The following ITGA11 variants were observed in gnomAD, a reference collection of about 807,000 sequenced individuals.
ITGA11 encodes the protein integrin subunit alpha 11, also known as integrin alpha-11.
ITGA11 carries 97 observed loss-of-function variants against 141.9 expected under a neutral mutation model. The observed-to-expected ratio is 0.68, with a 90% confidence interval of 0.58 to 0.81. The LOEUF (loss-of-function observed/expected upper bound fraction) is 0.81, where lower values mean the gene tolerates loss of function less well. ITGA11 is among the 30% of genes least tolerant of loss of function. The pLI, the probability that ITGA11 is intolerant of heterozygous loss-of-function variation, is 0.00. For synonymous variants in ITGA11, 658 were observed against 624.6 expected (o/e 1.05, Z -0.80); for missense variants, 1,387 against 1,559.2 (o/e 0.89, Z 1.86).
rs149396712 is a variant in ITGA11, at chr15:68,341,828, G to A, written c.1132-2184C>T. Among the ~76,000 whole-genome samples the A allele has an allele frequency of 3.6e-3, 544 of 152,310 alleles. 2 individuals carry two copies. Among genetic ancestry groups the A allele is most frequent in the African/African-American group, 0.013 (529 of 41,562 alleles). ...TGGCCCAGGGGCGTGGGATTCAGCC[G>A]GGGAGACCCCTCACACTGATTCTCC... On this transcript the variant is annotated intron_variant, in intron 10 of 29. Coordinates refer to ENST00000315757, the MANE Select transcript of ITGA11 (RefSeq NM_001004439.2).
Position 68,339,296 on chromosome 15 carries a change from T to TGCCACC in ITGA11, c.1276+203_1276+204insGGTGGC, listed in dbSNP as rs530086260. On this transcript the variant is annotated intron_variant, in intron 11 of 29. Transcript: ENST00000315757. ...TTCTACCTATTTATGGAGAGCCTGT[T>TGCCACC]ATACGCTGGGCATGGTGCTGGGCGC... Among the ~76,000 whole-genome samples, 453 of 152,262 alleles carry TGCCACC rather than the reference T, an allele frequency of 3.0e-3. 2 individuals carry two copies. Among genetic ancestry groups the TGCCACC allele is most frequent in the African/African-American group, 0.01 (430 of 41,542 alleles).
intron 5 of ITGA11, among the ~76,000 whole-genome samples, chr15:68,359,175 C>T (rs1440303747): frequency 1.3e-5 from 2 of 152,188 alleles, no homozygotes; most frequent in Non-Finnish European, 2.9e-5. Context: ...TTCTAAAGGG[C>T]TGAGCACAAA....
chr15:68,303,846 G>A lies in ITGA11; in HGVS notation c.3421C>T (p.Pro1141Ser). ...EISKQEDWQV[P>S]IWIIVGSTLG... Reference sequence around the variant, plus strand: ...GTGCTGCCTACAATGATCCAGATGGGGACCTGCCAGTCCTCTTGCTTGGAG... The same window carrying A: ...GTGCTGCCTACAATGATCCAGATGGAGACCTGCCAGTCCTCTTGCTTGGAG... The change falls in exon 29 of 30, where the codon CCC (proline) becomes TCC (serine). Residue 1141 changes from proline to serine, a missense_variant. Transcript: ENST00000315757. The surrounding 1 kb of genome is among the most constrained non-coding windows in gnomAD (Gnocchi z 5.3). 1 of 1,613,124 alleles carries A rather than the reference G, an allele frequency of 6.2e-7. No homozygotes were observed. Among genetic ancestry groups the A allele is most frequent in the Non-Finnish European group, 8.5e-7 (1 of 1,179,390 alleles).
At chr15:68,388,649 C>T (rs1016578367) in intron 2 of ITGA11, among the ~76,000 whole-genome samples, 1 of 152,196 alleles carries the variant, frequency 6.6e-6, no homozygotes, top group Non-Finnish European at 1.5e-5. Flanking sequence ...GAATGAATTA[C>T]TGCTGCTCAT....
chr15:68,316,467 T>C (rs1416094738), intron 21 of ITGA11, among the ~76,000 whole-genome samples: 2 of 152,208 alleles, frequency 1.3e-5, no homozygotes, highest in Non-Finnish European at 2.9e-5. Context: ...CAGGAGTGGC[T>C]GGGCGTGGGT....
chr15:68,320,627 C>T lies in ITGA11; in HGVS notation c.2409-235G>A, dbSNP rs1328279831. On this transcript the variant is annotated intron_variant, in intron 19 of 29. Coordinates refer to ENST00000315757, the MANE Select transcript of ITGA11 (RefSeq NM_001004439.2). Reference sequence around the variant, plus strand: ...GTCCCCACCATAGAGATCATACCCTCCGCTGAACCCAGAGCTCTTATTTGA... The same window carrying T: ...GTCCCCACCATAGAGATCATACCCTTCGCTGAACCCAGAGCTCTTATTTGA... Among the ~76,000 whole-genome samples the T allele has an allele frequency of 2.6e-5, 4 of 152,204 alleles. No homozygotes were observed. The East Asian group carries it at 5.8e-4, about 22-fold the overall frequency.
chr15:68,337,988 C>G (rs183842740), intron 11 of ITGA11, among the ~76,000 whole-genome samples: 133 of 152,268 alleles, frequency 8.7e-4, no homozygotes, highest in Middle Eastern at 3.4e-3. Context: ...CCGAGTGTAC[C>G]AGCTCGCTGG....
At chr15:68,393,129 C>T (rs1035388982) in intron 2 of ITGA11, among the ~76,000 whole-genome samples, 2 of 152,040 alleles carry the variant, frequency 1.3e-5, no homozygotes, top group Non-Finnish European at 2.9e-5. Flanking sequence ...ACAATGGATA[C>T]AGCAGAAAGC....
intron 1 of ITGA11, among the ~76,000 whole-genome samples, chr15:68,410,454 G>A (rs113752129): frequency 3.7e-4 from 56 of 152,192 alleles, no homozygotes; most frequent in Non-Finnish European, 6.8e-4. Flanking sequence ...CACAGAGAGG[G>A]AGAGGAGGAG....
At chr15:68,334,614 A>T (rs1378852334) in intron 12 of ITGA11, among the ~76,000 whole-genome samples, 1 of 152,018 alleles carries the variant, frequency 6.6e-6, no homozygotes, top group East Asian at 1.9e-4. Context: ...TGCCTACATA[A>T]AGTAACTAAG....
rs894152757 is a variant in ITGA11, at chr15:68,325,529, C to G, written c.2212-288G>C. 3.9e-5 allele frequency among the ~76,000 whole-genome samples: 6 copies of G among 152,226 alleles called. No individual in the cohort carries two copies. Among genetic ancestry groups the G allele is most frequent in the Non-Finnish European group, 7.3e-5 (5 of 68,042 alleles). On this transcript the variant is annotated intron_variant, in intron 17 of 29. Coordinates refer to ENST00000315757, the MANE Select transcript of ITGA11 (RefSeq NM_001004439.2). This position sits in a 1 kb window ranked among gnomAD's most constrained non-coding sequence, Gnocchi z 5.5. Reference sequence around the variant, plus strand: ...GGGCCAGACTCCCATTGCCCGGGTACCTCGGCCTCTGGGAAGCCTGGCAGT... The same window carrying G: ...GGGCCAGACTCCCATTGCCCGGGTAGCTCGGCCTCTGGGAAGCCTGGCAGT...
intron 1 of ITGA11, among the ~76,000 whole-genome samples, chr15:68,407,105 G>A (rs1335080547): frequency 6.6e-6 from 1 of 152,150 alleles, no homozygotes; most frequent in East Asian, 1.9e-4. Context: ...TCCGCTTCCT[G>A]CCCTAGGTCC....
intron 1 of ITGA11, among the ~76,000 whole-genome samples, chr15:68,404,920 C>CATGT (rs1331352708): frequency 2.0e-5 from 3 of 152,152 alleles, no homozygotes; most frequent in African/African-American, 7.2e-5. Context: ...TGTTATCATT[C>CATGT]GATCTCCATG....
rs1404745095 is a variant in ITGA11, at chr15:68,397,734, ATAT to A, written c.164+5181_164+5183del. Among the ~76,000 whole-genome samples, 20 of 53,376 alleles carry A rather than the reference ATAT, an allele frequency of 3.7e-4. 2 individuals are homozygous for A. Among genetic ancestry groups the A allele is most frequent in the African/African-American group, 1.5e-3 (17 of 10,976 alleles). 35.0% of individuals were successfully genotyped at this position (53,376 alleles called of 152,430 possible). ...TTATATTTAAAATATTATATTTAAAATATTATATTTAAAATATTATATTTAAAA... is the reference window on the plus strand; with the variant it reads ...TTATATTTAAAATATTATATTTAAAATATATTTAAAATATTATATTTAAAA... On this transcript the variant is annotated intron_variant, in intron 2 of 29. Transcript: ENST00000315757.
intron 7 of ITGA11, among the ~76,000 whole-genome samples, chr15:68,356,554 C>A (rs1407594678): frequency 2.6e-5 from 4 of 152,190 alleles, no homozygotes; most frequent in South Asian, 2.1e-4. Flanking sequence ...GTGTCTGTGG[C>A]AGAAGCTATT....
rs1895096108 is a variant in ITGA11, at chr15:68,357,163, A to G, written c.737T>C (p.Ile246Thr). The G allele has an allele frequency of 6.2e-7, 1 of 1,609,812 alleles. No homozygotes were observed. Among genetic ancestry groups the G allele is most frequent in the Admixed American group, 1.7e-5 (1 of 58,826 alleles). The change falls in exon 7 of 30, where the codon ATT (isoleucine) becomes ACT (threonine). Residue 246 changes from isoleucine (I) to threonine (T), a missense_variant. Coordinates refer to ENST00000315757, the MANE Select transcript of ITGA11 (RefSeq NM_001004439.2). ...ACTTTTTTTTTACCGTGCAAATTCA[A>G]TGCCAAATGCCGTCCGGGTCTCTGT... ...GGTETRTAFG[I>T]EFARSEAFQK...
chr15:68,394,205 T>C (rs1896180522), intron 2 of ITGA11, among the ~76,000 whole-genome samples: 1 of 152,120 alleles, frequency 6.6e-6, no homozygotes, highest in Admixed American at 6.5e-5. Flanking sequence ...AGCAGTGAGA[T>C]TGAATCAGTA....
chr15:68,423,386 A>G (rs1897065191), intron 1 of ITGA11, among the ~76,000 whole-genome samples: 1 of 152,140 alleles, frequency 6.6e-6, no homozygotes. Context: ...AGCCAGGAGA[A>G]ATGAGGCAGA....
chr15:68,365,469 C>T (rs1212359911), intron 3 of ITGA11: 11 of 370,132 alleles, frequency 3.0e-5, no homozygotes, highest in East Asian at 1.7e-4. Flanking sequence ...AAAATTGCAT[C>T]GCTTAAGGTT....
Sources: gnomAD v4.1 joint callset for allele counts (sites outside exome capture counted in the v4.1 genomes callset) on GRCh38, gnomAD v4.1.1 for gene constraint, Gnocchi (gnomAD v3.1) non-coding constraint, MANE v1.5 for transcripts, NCBI Gene and HGNC (gene_info 2026-07-23, HGNC 2026-07-21) for gene names.